The following TMEM187 variants were observed in gnomAD, a reference collection of about 807,000 sequenced individuals.
TMEM187 encodes the protein transmembrane protein 187.
In TMEM187, 14 loss-of-function variants were observed where a neutral mutation model predicts 11.8. The observed-to-expected ratio is 1.18, with a 90% CI of 0.78 to 1.85. TMEM187 has a LOEUF of 1.85. Among genes scored for constraint, TMEM187 ranks in the 40% most tolerant of loss-of-function variants. The pLI, the probability that TMEM187 is intolerant of heterozygous loss-of-function variation, is 0.00. For missense variants in TMEM187, 227 were observed against 243.9 expected, an observed-to-expected ratio of 0.93 and a Z score of 0.46; for synonymous variants, 112 against 118.5, an observed-to-expected ratio of 0.95 and a Z score of 0.36.
In TMEM187 at chrX:153,982,726, T is replaced by C. The variant is rs1403667477; in HGVS notation, c.664T>C (p.Cys222Arg). ...HQLARWRLFQ[C>R]LTGHFWSKVC... Reference sequence around the variant, plus strand: ...GCTCGCACGGTGGCGTCTCTTCCAGTGCCTCACAGGCCACTTCTGGTCCAA... The same window carrying C: ...GCTCGCACGGTGGCGTCTCTTCCAGCGCCTCACAGGCCACTTCTGGTCCAA... Residue 222 changes from cysteine (C) to arginine (R), a missense_variant, in exon 2 of 2, where the codon TGC becomes CGC. By Grantham distance (180) the Cys-to-Arg change is radical. Coordinates refer to ENST00000369982, the MANE Select transcript of TMEM187 (RefSeq NM_003492.3). 3.3e-6 allele frequency: 4 copies of C among 1,211,070 alleles called. No individual in the cohort carries two copies. Among genetic ancestry groups the C allele is most frequent in the Non-Finnish European group, 4.5e-6 (4 of 895,465 alleles).
chrX:153,973,684 AACACACACACAC>A (rs3055213), intron 1 of TMEM187, among the ~76,000 whole-genome samples: 5 of 106,145 alleles, frequency 4.7e-5, no homozygotes, highest in South Asian at 4.1e-4. Flanking sequence ...CTGTCTCAAA[AACACACACACAC>A]ACACACACAC....
chrX:153,977,728 T>C (rs1326006827), intron 1 of TMEM187, among the ~76,000 whole-genome samples: 1 of 105,562 alleles, frequency 9.5e-6, no homozygotes, highest in Non-Finnish European at 1.9e-5. Flanking sequence ...CTGGCCAACA[T>C]GGTGAAACCC....
chrX:153,982,299 G>A lies in TMEM187; in HGVS notation c.237G>A (p.Gly79=), dbSNP rs782426347. Residue 79 remains glycine, a synonymous_variant, in exon 2 of 2, where the codon GGG becomes GGA. Coordinates refer to ENST00000369982, the MANE Select transcript of TMEM187 (RefSeq NM_003492.3). ...GGCTGCACAGGGGCGGCGCGATGGG[G>A]CTGGGTCCCCGCTACCTGAAGGACG... ...LSWLHRGGAM[G]LGPRYLKDVF... 10 of 1,210,423 alleles carry A rather than the reference G, an allele frequency of 8.3e-6. No individual in the cohort carries two copies. The highest frequency in any genetic ancestry group is 1.1e-5 in the Non-Finnish European group (10 of 895,397).
chrX:153,980,344 G>A (rs2065595518), intron 1 of TMEM187, among the ~76,000 whole-genome samples: 1 of 111,851 alleles, frequency 8.9e-6, no homozygotes, highest in Admixed American at 9.5e-5. Context: ...GGGCAACAGA[G>A]CAAGACCCCC....
intron 1 of TMEM187, chrX:153,981,017 C>T (rs1188836839): frequency 3.7e-5 from 4 of 109,514 alleles, no homozygotes; most frequent in African/African-American, 1.3e-4. Context: ...AACAGTCTGG[C>T]ATCAGCTGAC....
At chrX:153,974,159 G>A (rs1238217155) in intron 1 of TMEM187, among the ~76,000 whole-genome samples, 2 of 112,308 alleles carry the variant, frequency 1.8e-5, no homozygotes, top group Non-Finnish European at 3.8e-5. Context: ...CCGTACCCCC[G>A]GTCAGATAGA....
rs1220960938 is a variant in TMEM187, at chrX:153,982,615, T to C, written c.553T>C (p.Tyr185His). 9.9e-6 allele frequency: 12 copies of C among 1,211,044 alleles called. No individual in the cohort carries two copies. Among genetic ancestry groups the C allele is most frequent in the Non-Finnish European group, 1.3e-5 (12 of 895,466 alleles). Residue 185 changes from tyrosine to histidine, a missense_variant, in exon 2 of 2, where the codon TAT (tyrosine) becomes CAT (histidine). By Grantham distance (83) the Tyr-to-His change is moderately conservative. Coordinates refer to ENST00000369982, the MANE Select transcript of TMEM187 (RefSeq NM_003492.3). ...GCAGGCGCTGCGCACCCACAGGCAC[T>C]ATGGCAGCACCACCTCGGCTACCTA... Reference protein sequence around the residue: ...VGQALRTHRHYGSTTSATYLA... With the variant: ...VGQALRTHRHHGSTTSATYLA...
At chrX:153,975,360 T>C (rs1474729347) in intron 1 of TMEM187, among the ~76,000 whole-genome samples, 4 of 110,765 alleles carry the variant, frequency 3.6e-5, no homozygotes, top group African/African-American at 1.3e-4. Context: ...AGACACAGTC[T>C]CACTCTGAAA....
At chrX:153,979,722 C>T (rs1319349084) in intron 1 of TMEM187, among the ~76,000 whole-genome samples, 21 of 85,034 alleles carry the variant, frequency 2.5e-4, no homozygotes, top group South Asian at 2.4e-3. Flanking sequence ...ATGGTGAGAC[C>T]CTGTCTCTAC....
intron 1 of TMEM187, among the ~76,000 whole-genome samples, chrX:153,977,281 T>C (rs1219389432): frequency 8.9e-6 from 1 of 112,234 alleles, no homozygotes; most frequent in Non-Finnish European, 1.9e-5. Flanking sequence ...CATTATACAT[T>C]ATATACATGT....
intron 1 of TMEM187, 79 bp downstream of exon 1, chrX:153,972,939 C>CGCGGCGGCGGCGGCGGCGGCGGCG: frequency 8.6e-6 from 1 of 116,568 alleles, no homozygotes; most frequent in Admixed American, 9.6e-5. Flanking sequence ...GCCGCCCGGG[C>CGCGGCGGCGGCGGCGGCGGCGGCG]GCGGCGGCGG....
In TMEM187 at chrX:153,975,629, C is replaced by CTTTTTTTT. The variant is rs58423366; in HGVS notation, c.-214+2793_-214+2800dup. ...ACAGGTGTGAGCCACCACACCCAGC[C>CTTTTTTTT]TTTTTTTTTTTTTTTTTTTTTTTTT... is the stretch of plus-strand genomic sequence containing the variant. On this transcript the variant is annotated intron_variant, in intron 1 of 1. Coordinates refer to ENST00000369982, the MANE Select transcript of TMEM187 (RefSeq NM_003492.3). Among the ~76,000 whole-genome samples, 12 of 16,647 alleles carry CTTTTTTTT rather than the reference C, an allele frequency of 7.2e-4. 1 individual carries two copies. Among genetic ancestry groups the CTTTTTTTT allele is most frequent in the African/African-American group, 2.3e-3 (12 of 5,329 alleles). 14.5% of individuals were successfully genotyped at this position (16,647 alleles called of 115,157 possible). A position where few individuals can be genotyped will look rare whatever the true frequency, so the allele number is the denominator to read the frequency against.
At chrX:153,975,993 A>G (rs782593682) in intron 1 of TMEM187, among the ~76,000 whole-genome samples, 43 of 110,596 alleles carry the variant, frequency 3.9e-4, no homozygotes, top group Non-Finnish European at 1.9e-4. Flanking sequence ...TCTTTAATCC[A>G]TGTTGAGTTG....
rs1444901997 is a variant in TMEM187 at position 153,982,487 on chromosome X, TC to T, written c.427del (p.Leu143SerfsTer52). The T allele has an allele frequency of 8.3e-7, 1 of 1,203,658 alleles. No individual in the cohort carries two copies. The highest frequency in any genetic ancestry group is 1.1e-6 in the Non-Finnish European group (1 of 894,554). ...YLDRGWRPWL[F>X]LSLECVSLAS... The stretch of plus-strand genomic sequence containing the variant: ...GACCGCGGCTGGCGGCCCTGGCTGT[TC>T]CTCTCTCTTGAGTGCGTCTCCCTGG... On this transcript the variant is annotated frameshift_variant, in exon 2 of 2. Coordinates refer to ENST00000369982, the MANE Select transcript of TMEM187 (RefSeq NM_003492.3). LOFTEE classifies it high-confidence loss of function.
Position 153,981,799 on chromosome X carries a change from G to A in TMEM187, c.-213-51G>A, listed in dbSNP as rs782682494. ...GGCCGGGGGTCAGGAACATGGAGGC[G>A]GTGCTGGGGACGGTTTGTTTTCTAA... is the stretch of plus-strand genomic sequence containing the variant. On this transcript the variant is annotated intron_variant, in intron 1 of 1. Coordinates refer to ENST00000369982, the MANE Select transcript of TMEM187 (RefSeq NM_003492.3). 208 of 453,193 alleles carry A rather than the reference G, an allele frequency of 4.6e-4. No homozygotes were observed. The South Asian group carries it at 5.9e-3, about 13-fold the overall frequency. The allele number at this position is 453,193 out of a possible 1,213,427, so 37.3% of individuals were successfully genotyped here.
chrX:153,977,607 G>A (rs1351249144), intron 1 of TMEM187, among the ~76,000 whole-genome samples: 2 of 107,851 alleles, frequency 1.9e-5, no homozygotes, highest in African/African-American at 6.8e-5. Context: ...GCGAGACTCT[G>A]TCCCAAAAAA....
chrX:153,982,357 G>C lies in TMEM187; in HGVS notation c.295G>C (p.Val99Leu), dbSNP rs782784538. ...AGCCATGGCCCTGCTCTATGGCCCC[G>C]TGCAGTGGCTGCGCCTGTGGACGCA... ...FAAMALLYGPVQWLRLWTQWR... is the reference protein window; with the variant it reads ...FAAMALLYGPLQWLRLWTQWR... The change falls in exon 2 of 2, where the codon GTG becomes CTG. Residue 99 changes from valine (V) to leucine (L), a missense_variant. Transcript: ENST00000369982. 8.3e-7 allele frequency: 1 copy of C among 1,205,862 alleles called. No individual in the cohort carries two copies.
rs1297192499 is a variant in TMEM187 at position 153,972,790 on chromosome X, G to C, written c.-284G>C. On this transcript the variant is annotated 5_prime_UTR_variant, in exon 1 of 2. Transcript: ENST00000369982. ...TCGGATCCTCCCTTTTCGGAGATTT[G>C]AATTTCCCCCAGCGAGGCGAGTGAG... 8.9e-6 allele frequency: 1 copy of C among 111,856 alleles called. No individual in the cohort carries two copies. Among genetic ancestry groups the C allele is most frequent in the Non-Finnish European group, 1.9e-5 (1 of 52,692 alleles). The allele number at this position is 111,856 out of a possible 1,213,427, so 9.2% of individuals were successfully genotyped here.
Position 153,983,066 on chromosome X carries a change from CAGGGGA to C in TMEM187, c.*219_*224del, listed in dbSNP as rs1435328332. On this transcript the variant is annotated 3_prime_UTR_variant, in exon 2 of 2. Coordinates refer to ENST00000369982, the MANE Select transcript of TMEM187 (RefSeq NM_003492.3). Reference sequence around the variant, plus strand: ...AAGACATAAAGCACAGATCTCCGCACAGGGGATGTGTGTGTTCCTGATGTAATTTGC... The same window carrying C: ...AAGACATAAAGCACAGATCTCCGCACTGTGTGTGTTCCTGATGTAATTTGC... 1.5e-6 allele frequency: 1 copy of C among 646,967 alleles called. No individual in the cohort carries two copies. Among genetic ancestry groups the C allele is most frequent in the African/African-American group, 2.2e-5 (1 of 45,520 alleles). 53.3% of individuals were successfully genotyped at this position (646,967 alleles called of 1,213,427 possible). A position where few individuals can be genotyped will look rare whatever the true frequency, so the allele number is the denominator to read the frequency against.
Sources: allele counts gnomAD v4.1 joint callset (sites outside exome capture counted in the v4.1 genomes callset), GRCh38; gene constraint gnomAD v4.1.1; transcripts MANE v1.5; gene names NCBI Gene and HGNC (gene_info 2026-07-23, HGNC 2026-07-21).